CIP2A: variants seen among roughly 807,000 people sequenced by gnomAD.
The protein encoded by CIP2A is cellular inhibitor of PP2A.
In CIP2A, 103 loss-of-function variants were observed where a neutral mutation model predicts 110.9. The observed-to-expected ratio is 0.93, with a 90% CI of 0.79 to 1.09. The LOEUF is 1.09. Ranked by LOEUF, CIP2A falls within the 50% of genes least tolerant of loss-of-function variation. The pLI is 0.00. For missense variants in CIP2A, 1,088 were observed against 1,038.4 expected, an observed-to-expected ratio of 1.05 and a Z score of -0.66; for synonymous variants, 381 against 361.6, an observed-to-expected ratio of 1.05 and a Z score of -0.61.
intron 8 of CIP2A, among the ~76,000 whole-genome samples, chr3:108,575,549 T>C (rs1387509640): frequency 8.0e-5 from 12 of 150,012 alleles, no homozygotes; most frequent in East Asian, 2.0e-4. Flanking sequence ...CTCATATACA[T>C]GTGTATATAT....
intron 1 of CIP2A, among the ~76,000 whole-genome samples, chr3:108,586,548 T>C (rs1434881446): frequency 6.6e-6 from 1 of 152,220 alleles, no homozygotes; most frequent in African/African-American, 2.4e-5. Context: ...ACAAAGATAA[T>C]TTATTTTAAT....
intron 13 of CIP2A, among the ~76,000 whole-genome samples, chr3:108,562,074 TA>T (rs1352492604): frequency 4.6e-5 from 7 of 152,132 alleles, no homozygotes; most frequent in African/African-American, 1.7e-4. Flanking sequence ...TTGTTGCTGT[TA>T]AAAAAATATT....
chr3:108,580,907 G>A (rs927678971), intron 5 of CIP2A, among the ~76,000 whole-genome samples: 2 of 152,182 alleles, frequency 1.3e-5, no homozygotes, highest in African/African-American at 2.4e-5. Context: ...TTACAGGTGT[G>A]AGCCACCATG....
intron 18 of CIP2A, among the ~76,000 whole-genome samples, 195 bp from the exon 19 acceptor site, chr3:108,553,925 CGT>C (rs1450307233): frequency 1.3e-5 from 1 of 74,612 alleles, no homozygotes; most frequent in African/African-American, 5.5e-5. Flanking sequence ...AAAAAGGTCT[CGT>C]TCTGTCACCC....
At chr3:108,576,426 A>G in intron 7 of CIP2A, 80 bp from the exon 8 acceptor site, 3 of 729,244 alleles carry the variant, frequency 4.1e-6, no homozygotes, top group Non-Finnish European at 6.6e-6. Context: ...CAAGATAAAT[A>G]TAAAATTTAT....
chr3:108,573,216 T>C (rs962142909), intron 8 of CIP2A, among the ~76,000 whole-genome samples: 1 of 152,028 alleles, frequency 6.6e-6, no homozygotes, highest in Admixed American at 6.6e-5. Flanking sequence ...ATTTTTGCAG[T>C]ATGTTCATGA....
At chr3:108,584,944 A>G (rs1938996473) in intron 2 of CIP2A, 121 bp downstream of exon 2, 3 of 855,486 alleles carry the variant, frequency 3.5e-6, no homozygotes, top group Non-Finnish European at 5.3e-6. Context: ...CACAATGCAC[A>G]CTAGACTGAG....
rs375349733 is a variant in CIP2A, at chr3:108,563,262, C to A, written c.1516-18G>T. 2.8e-6 allele frequency: 4 copies of A among 1,415,812 alleles called. No individual in the cohort carries two copies. The highest frequency in any genetic ancestry group is 3.5e-5 in the Admixed American group (2 of 57,602). 87.7% of individuals were successfully genotyped at this position (1,415,812 alleles called of 1,614,324 possible). On this transcript the variant is annotated intron_variant, in intron 12 of 20. Coordinates refer to ENST00000295746, the MANE Select transcript of CIP2A (RefSeq NM_020890.3). ...CGTGGGTCCTAAATAAATCAGAAACCAAAAAAGAAGCAGCAGAAAGAATAA... is the reference window on the plus strand; with the variant it reads ...CGTGGGTCCTAAATAAATCAGAAACAAAAAAAGAAGCAGCAGAAAGAATAA...
chr3:108,554,319 A>C (rs1937708753), intron 18 of CIP2A, 57 bp downstream of exon 18: 1 of 684,948 alleles, frequency 1.5e-6, no homozygotes, highest in Non-Finnish European at 2.6e-6. Flanking sequence ...ATATAAAGGG[A>C]ATCATTTTGT....
chr3:108,576,716 T>C (rs2107358267), intron 7 of CIP2A, among the ~76,000 whole-genome samples: 1 of 152,342 alleles, frequency 6.6e-6, no homozygotes. Flanking sequence ...TAATACATTA[T>C]ACAGCTGCTT....
In CIP2A at chr3:108,552,165, T is replaced by C. The variant is rs2305514; in HGVS notation, c.2547+69A>G. On this transcript the variant is annotated intron_variant, in intron 20 of 20. Transcript: ENST00000295746. ...GCTGAAGAAACAGTACATTCCTTTATCCATATTCACCCTTTTCACAACAGA... is the reference window on the plus strand; with the variant it reads ...GCTGAAGAAACAGTACATTCCTTTACCCATATTCACCCTTTTCACAACAGA... 0.39 allele frequency: 495,338 copies of C among 1,254,968 alleles called. 99,802 individuals carry two copies. The highest frequency in any genetic ancestry group is 0.53 in the East Asian group (20,511 of 38,690). The allele number at this position is 1,254,968 out of a possible 1,614,324, so 77.7% of individuals were successfully genotyped here. A position where few individuals can be genotyped will look rare whatever the true frequency, so the allele number is the denominator to read the frequency against.
intron 13 of CIP2A, 62 bp downstream of exon 13, chr3:108,563,064 A>G: frequency 9.7e-7 from 1 of 1,026,230 alleles, no homozygotes; most frequent in Non-Finnish European, 1.5e-6. Context: ...ACTGAGGACT[A>G]AAGAGACATA....
rs540129176 is a variant in CIP2A at position 108,566,401 on chromosome 3, T to A, written c.1415+96A>T. 3.2e-6 allele frequency: 3 copies of A among 932,272 alleles called. No individual in the cohort carries two copies. The South Asian group carries it at 4.9e-5, about 15-fold the overall frequency. The allele number at this position is 932,272 out of a possible 1,614,324, so 57.7% of individuals were successfully genotyped here. On this transcript the variant is annotated intron_variant, in intron 11 of 20. Transcript: ENST00000295746. ...TTTGTTAATCTGTTATATCTTAAGT[T>A]ATAACCAAAGGATGGTCCTCCAAAA...
chr3:108,589,198 G>T, intron 1 of CIP2A, 76 bp downstream of exon 1: 2 of 1,076,812 alleles, frequency 1.9e-6, no homozygotes, highest in Non-Finnish European at 2.8e-6. Context: ...GGCTGGGGCC[G>T]CCACTCCTCG....
At chr3:108,559,358 G>C (rs1193820888) in intron 16 of CIP2A, among the ~76,000 whole-genome samples, 1 of 152,112 alleles carries the variant, frequency 6.6e-6, no homozygotes, top group African/African-American at 2.4e-5. Flanking sequence ...TGAGTTTGTG[G>C]TATTTGCTGT....
Position 108,566,587 on chromosome 3 carries a change from G to GTT in CIP2A, c.1323_1324dup (p.Thr442LysfsTer9). 6.2e-7 allele frequency: 1 copy of GTT among 1,603,930 alleles called. No individual in the cohort carries two copies. Among genetic ancestry groups the GTT allele is most frequent in the Non-Finnish European group, 8.5e-7 (1 of 1,174,520 alleles). Reference sequence around the variant, plus strand: ...TTCTATAAGAGTGGTACACTTGACAGTTGTCAAGATTTTTGCAATATGCAT... The same window carrying GTT: ...TTCTATAAGAGTGGTACACTTGACAGTTTTGTCAAGATTTTTGCAATATGCAT... On this transcript the variant is annotated frameshift_variant, in exon 11 of 21. Coordinates refer to ENST00000295746, the MANE Select transcript of CIP2A (RefSeq NM_020890.3). LOFTEE classifies it high-confidence loss of function.
intron 8 of CIP2A, 67 bp downstream of exon 8, chr3:108,576,204 G>C: frequency 1.0e-6 from 1 of 998,164 alleles, no homozygotes; most frequent in Admixed American, 2.5e-5. Context: ...GTATTTTGCA[G>C]TTTTTTAAAA....
In CIP2A at chr3:108,569,441, C is replaced by A. The variant is rs1576307730; in HGVS notation, c.1061G>T (p.Gly354Val). ...TGCTAAAACAGAACAGTTTTCTGAT[C>A]CGTCCAAAGGTTGGCTTAACCAGCG... ...LLRWLSQPLD[G>V]SENCSVLALE... Residue 354 changes from glycine (G) to valine (V), a missense_variant, in exon 9 of 21, where the codon GGA becomes GTA. Coordinates refer to ENST00000295746, the MANE Select transcript of CIP2A (RefSeq NM_020890.3). The A allele has an allele frequency of 6.2e-7, 1 of 1,612,668 alleles. No homozygotes were observed.
chr3:108,574,550 T>G (rs144314028), intron 8 of CIP2A: 2,530 of 152,512 alleles, frequency 0.017, 43 homozygotes, highest in Non-Finnish European at 0.021. Flanking sequence ...GGTTTCTTTA[T>G]AATAGCTGAT....
Sources: allele counts gnomAD v4.1 joint callset (sites outside exome capture counted in the v4.1 genomes callset), GRCh38; gene constraint gnomAD v4.1.1; transcripts MANE v1.5; gene names NCBI Gene and HGNC (gene_info 2026-07-23, HGNC 2026-07-21).